NCAPD2: variants seen among roughly 807,000 people sequenced by gnomAD.
NCAPD2 encodes the protein condensin complex subunit 1.
In NCAPD2, 100 loss-of-function variants were observed where a neutral mutation model predicts 164.5. That is an observed-to-expected ratio of 0.61 (90% confidence interval 0.52 to 0.72). The LOEUF (loss-of-function observed/expected upper bound fraction) is 0.72, where lower values mean the gene tolerates loss of function less well. Ranked by LOEUF, NCAPD2 falls within the 30% of genes least tolerant of loss-of-function variation. The pLI is 0.00. For missense variants in NCAPD2, 1,560 were observed against 1,749.2 expected (o/e 0.89, Z 1.93); for synonymous variants, 585 against 642.6 (o/e 0.91, Z 1.36).
At chr12:6,516,686 C>A (rs933553526) in intron 9 of NCAPD2, 142 bp from the exon 10 acceptor site, 3 of 802,336 alleles carry the variant, frequency 3.7e-6, no homozygotes, top group Admixed American at 2.7e-5. Context: ...ATTCTCTGAG[C>A]AACAAGTCCT....
At chr12:6,497,030 G>T (rs1945990910) in intron 2 of NCAPD2, among the ~76,000 whole-genome samples, 1 of 152,190 alleles carries the variant, frequency 6.6e-6, no homozygotes. Flanking sequence ...GACTGTACAG[G>T]TAAGAGAAAT....
At chr12:6,516,317 T>C (rs61918024) in intron 9 of NCAPD2, among the ~76,000 whole-genome samples, 32,213 of 149,960 alleles carry the variant, frequency 0.21, 3,616 homozygotes, top group Non-Finnish European at 0.24. Context: ...GCCTGGCCAA[T>C]ATGGTGAAAT....
intron 17 of NCAPD2, among the ~76,000 whole-genome samples, chr12:6,524,583 A>G (rs1386973776): frequency 1.5e-5 from 2 of 136,476 alleles, no homozygotes; most frequent in Admixed American, 8.3e-5. Flanking sequence ...CAGGAGGTGG[A>G]GGTAGCAGTG....
rs1565544106 is a variant in NCAPD2, at chr12:6,518,507, T to TTTGTTTTG, written c.1589+550_1589+551insGTTTTGTT. Among the ~76,000 whole-genome samples the TTTGTTTTG allele has an allele frequency of 1.2e-4, 11 of 88,312 alleles. 1 individual carries two copies. The highest frequency in any genetic ancestry group is 2.1e-5 in the Non-Finnish European group (1 of 47,226). The allele number at this position is 88,312 out of a possible 152,430, so 57.9% of individuals were successfully genotyped here. On this transcript the variant is annotated intron_variant, in intron 13 of 31. Transcript: ENST00000315579. ...AAGCCCTTACAGCCGTCAACAAGTT[T>TTTGTTTTG]TTTTTTTTTTTTTTTTTTTTTTTTT... is the stretch of plus-strand genomic sequence containing the variant.
In NCAPD2 at chr12:6,517,030, C is replaced by A; in HGVS notation, c.1185+5C>A. The A allele has an allele frequency of 6.2e-7, 1 of 1,614,014 alleles. No individual in the cohort carries two copies. The highest frequency in any genetic ancestry group is 8.5e-7 in the Non-Finnish European group (1 of 1,179,916). On this transcript the variant is annotated splice_donor_5th_base_variant and intron_variant, in intron 10 of 31. Transcript: ENST00000315579. ...ACCCGAATTGTCCAGCAGAAGGTAA[C>A]CAACTTCTATGTGGCAAAAACATAT...
chr12:6,510,312 G>A (rs1375687386), intron 4 of NCAPD2, 179 bp downstream of exon 4: 1 of 810,314 alleles, frequency 1.2e-6, no homozygotes, highest in Non-Finnish European at 2.2e-6. Context: ...ATCTTGGTGG[G>A]CGATACAGAG....
chr12:6,501,686 G>C (rs1345995026), intron 2 of NCAPD2, among the ~76,000 whole-genome samples: 1 of 152,218 alleles, frequency 6.6e-6, no homozygotes, highest in Non-Finnish European at 1.5e-5. Flanking sequence ...ATTGCAGTGA[G>C]TGTAGATGGA....
chr12:6,515,692 T>C (rs1373691725), intron 9 of NCAPD2, among the ~76,000 whole-genome samples: 2 of 152,226 alleles, frequency 1.3e-5, no homozygotes, highest in Non-Finnish European at 2.9e-5. Flanking sequence ...AGTCCACTTG[T>C]TCATCTCATT....
At chr12:6,515,919 T>C (rs180844665) in intron 9 of NCAPD2, among the ~76,000 whole-genome samples, 113 of 152,110 alleles carry the variant, frequency 7.4e-4, no homozygotes, top group South Asian at 8.3e-4. Flanking sequence ...AGGCCAGGTG[T>C]GGTGGCTCAC....
intron 2 of NCAPD2, 148 bp downstream of exon 2, chr12:6,495,373 A>AT: frequency 1.1e-6 from 1 of 929,934 alleles, no homozygotes; most frequent in African/African-American, 1.7e-5. Context: ...TTATCCTAAA[A>AT]TTGCATGGGA....
chr12:6,510,392 A>G, intron 4 of NCAPD2: 1 of 779,548 alleles, frequency 1.3e-6, no homozygotes, highest in Non-Finnish European at 2.3e-6. Context: ...TCTTTTTAAT[A>G]GGGGTGATTC....
At chr12:6,508,691 C>T (rs1438326705) in intron 2 of NCAPD2, among the ~76,000 whole-genome samples, 6 of 152,140 alleles carry the variant, frequency 3.9e-5, no homozygotes, top group South Asian at 2.1e-4. Flanking sequence ...AGGACATTTA[C>T]GTAGTCTGAA....
rs150206978 is a variant in NCAPD2 at position 6,531,666 on chromosome 12, G to A, written c.*254G>A. 44 of 526,454 alleles carry A rather than the reference G, an allele frequency of 8.4e-5. No individual in the cohort carries two copies. Among genetic ancestry groups the A allele is most frequent in the South Asian group, 6.4e-4 (33 of 51,448 alleles). The allele number at this position is 526,454 out of a possible 1,614,324, so 32.6% of individuals were successfully genotyped here. Reference sequence around the variant, plus strand: ...ACTAAAAATAAAAAATTAGCCGGGCGTATTGGCGTGCGCCTGTAATCCCAG... The same window carrying A: ...ACTAAAAATAAAAAATTAGCCGGGCATATTGGCGTGCGCCTGTAATCCCAG... On this transcript the variant is annotated 3_prime_UTR_variant, in exon 32 of 32. Coordinates refer to ENST00000315579, the MANE Select transcript of NCAPD2 (RefSeq NM_014865.4). This position sits in a 1 kb window ranked among gnomAD's most constrained non-coding sequence, Gnocchi z 4.1.
At chr12:6,495,866 C>G (rs1565537346) in intron 2 of NCAPD2, among the ~76,000 whole-genome samples, 1 of 152,002 alleles carries the variant, frequency 6.6e-6, no homozygotes, top group Non-Finnish European at 1.5e-5. Flanking sequence ...ACCACTCTGA[C>G]CTTAGACAAG....
intron 2 of NCAPD2, among the ~76,000 whole-genome samples, chr12:6,501,447 C>T (rs1475437292): frequency 6.6e-6 from 1 of 152,012 alleles, no homozygotes; most frequent in African/African-American, 2.4e-5. Context: ...CTCGGCCTCC[C>T]AAAATGTTGG....
intron 2 of NCAPD2, among the ~76,000 whole-genome samples, chr12:6,503,895 T>G (rs1946063539): frequency 6.6e-6 from 1 of 151,904 alleles, no homozygotes; most frequent in Non-Finnish European, 1.5e-5. Flanking sequence ...ACTGAATTGC[T>G]TGAACCCAGG....
chr12:6,529,411 A>G lies in NCAPD2; in HGVS notation c.3573-102A>G, dbSNP rs1034793166. 11 of 1,047,972 alleles carry G rather than the reference A, an allele frequency of 1.0e-5. No individual in the cohort carries two copies. In the African/African-American group the frequency reaches 1.6e-4, roughly 15 times the overall value. 64.9% of individuals were successfully genotyped at this position (1,047,972 alleles called of 1,614,324 possible). On this transcript the variant is annotated intron_variant, in intron 27 of 31. Coordinates refer to ENST00000315579, the MANE Select transcript of NCAPD2 (RefSeq NM_014865.4). ...AGGCAGACAGGGGCCGTGGCAGAGA[A>G]CATCAGAGAAGACGAGTGCTGGGGG...
At chr12:6,502,562 A>G (rs2137038178) in intron 2 of NCAPD2, among the ~76,000 whole-genome samples, 1 of 152,280 alleles carries the variant, frequency 6.6e-6, no homozygotes, top group South Asian at 2.1e-4. Context: ...GGTTTAACCT[A>G]GATTTGCCAG....
chr12:6,525,472 CTAAG>C (rs1946307449), intron 17 of NCAPD2, 107 bp from the exon 18 acceptor site: 5 of 1,279,428 alleles, frequency 3.9e-6, no homozygotes, highest in Non-Finnish European at 4.3e-6. Context: ...TTTTCTCTTC[CTAAG>C]TATTACTTTT....
Sources: allele counts gnomAD v4.1 joint callset (sites outside exome capture counted in the v4.1 genomes callset), GRCh38; gene constraint gnomAD v4.1.1; non-coding constraint Gnocchi (gnomAD v3.1); transcripts MANE v1.5; gene names NCBI Gene and HGNC (gene_info 2026-07-23, HGNC 2026-07-21).